The following PRDM16 variants were observed in gnomAD, a reference collection of about 807,000 sequenced individuals.
PRDM16 encodes PR/SET domain 16.
In PRDM16, 23 loss-of-function variants were observed where a neutral mutation model predicts 110.6. That is an observed-to-expected ratio of 0.21 (90% CI 0.15 to 0.29). The LOEUF is 0.29. Ranked by LOEUF, PRDM16 falls within the 10% of genes least tolerant of loss-of-function variation. The pLI, the probability that PRDM16 is intolerant of heterozygous loss-of-function variation, is 1.00. For missense variants in PRDM16, 1,615 were observed against 1,794.3 expected (o/e 0.90, Z 1.81); for synonymous variants, 799 against 781.8 (o/e 1.02, Z -0.37).
At chr1:3,336,909 CTG>C (rs913534154) in intron 3 of PRDM16, among the ~76,000 whole-genome samples, 28 of 147,160 alleles carry the variant, frequency 1.9e-4, no homozygotes, top group Admixed American at 1.1e-3. Flanking sequence ...TGGTGTGAGT[CTG>C]TGTGTGAATG....
intron 3 of PRDM16, among the ~76,000 whole-genome samples, chr1:3,314,989 C>T (rs1641565584): frequency 6.6e-6 from 1 of 152,136 alleles, no homozygotes; most frequent in African/African-American, 2.4e-5. Context: ...AAAGATGGAT[C>T]GACTGAGAGC....
Position 3,255,617 on chromosome 1 carries a change from C to T in PRDM16, c.438+11480C>T, listed in dbSNP as rs181032220. 3.2e-4 allele frequency among the ~76,000 whole-genome samples: 49 copies of T among 152,332 alleles called. No individual in the cohort carries two copies. The highest frequency in any genetic ancestry group is 7.9e-4 in the African/African-American group (33 of 41,578). On this transcript the variant is annotated intron_variant, in intron 3 of 16. Coordinates refer to ENST00000270722, the MANE Select transcript of PRDM16 (RefSeq NM_022114.4). This position sits in a 1 kb window ranked among gnomAD's most constrained non-coding sequence, Gnocchi z 4.7. ...AACAGCACACGGTGCCCCTCCTTAT[C>T]GCATTCAACTTAGCTGCTGTGGGCA...
intron 1 of PRDM16, among the ~76,000 whole-genome samples, chr1:3,171,384 C>T (rs929051939): frequency 2.6e-5 from 4 of 152,196 alleles, no homozygotes; most frequent in Non-Finnish European, 4.4e-5. Flanking sequence ...CTGAACGAGC[C>T]CTGGCTGAGT....
chr1:3,284,092 G>A (rs1640794206), intron 3 of PRDM16, among the ~76,000 whole-genome samples: 1 of 151,998 alleles, frequency 6.6e-6, no homozygotes, highest in South Asian at 2.1e-4. Context: ...TGGGCCTGGG[G>A]CAGGGGCTGC....
At chr1:3,158,032 C>G (rs1643871409) in intron 1 of PRDM16, among the ~76,000 whole-genome samples, 1 of 152,246 alleles carries the variant, frequency 6.6e-6, no homozygotes, top group Admixed American at 6.5e-5. Context: ...CTCTCCTCAT[C>G]TCAAGATAAT....
intron 14 of PRDM16, among the ~76,000 whole-genome samples, chr1:3,430,626 G>A (rs1285542223): frequency 6.6e-6 from 1 of 152,166 alleles, no homozygotes; most frequent in African/African-American, 2.4e-5. Flanking sequence ...CTTGCTGCTG[G>A]GCCTTGCCCT....
intron 16 of PRDM16, among the ~76,000 whole-genome samples, chr1:3,432,479 C>CTGGG (rs1442886184): frequency 6.6e-6 from 1 of 152,218 alleles, no homozygotes; most frequent in Non-Finnish European, 1.5e-5. Context: ...CCTCTCTGAT[C>CTGGG]TGGGCCCCAG....
chr1:3,423,573 G>C (rs1232509663), intron 12 of PRDM16, among the ~76,000 whole-genome samples: 1 of 152,220 alleles, frequency 6.6e-6, no homozygotes, highest in Admixed American at 6.5e-5. Context: ...CCCCATCCAT[G>C]TGACAAGGGC....
At chr1:3,169,877 T>C (rs1216213988) in intron 1 of PRDM16, among the ~76,000 whole-genome samples, 1 of 152,140 alleles carries the variant, frequency 6.6e-6, no homozygotes, top group Non-Finnish European at 1.5e-5. Context: ...TTTGTCAGGG[T>C]GATTAATAGC....
chr1:3,403,418 C>A (rs1347529834), intron 6 of PRDM16, among the ~76,000 whole-genome samples: 1 of 152,236 alleles, frequency 6.6e-6, no homozygotes, highest in Non-Finnish European at 1.5e-5. Flanking sequence ...ATGGGGGTGG[C>A]AGCACCCACC....
At chr1:3,404,236 G>A (rs1004179618) in intron 6 of PRDM16, among the ~76,000 whole-genome samples, 15 of 152,216 alleles carry the variant, frequency 9.9e-5, no homozygotes, top group African/African-American at 3.6e-4. Context: ...CGGCCCCTCC[G>A]AGCAGCTGTG....
chr1:3,364,753 T>C (rs1454848515), intron 3 of PRDM16, among the ~76,000 whole-genome samples: 1 of 152,242 alleles, frequency 6.6e-6, no homozygotes, highest in Non-Finnish European at 1.5e-5. Context: ...TTAATTTTCA[T>C]GGCCGGGCCA....
At chr1:3,414,883 G>C (rs2100670090) in intron 10 of PRDM16, among the ~76,000 whole-genome samples, 1 of 152,296 alleles carries the variant, frequency 6.6e-6, no homozygotes, top group South Asian at 2.1e-4. Context: ...GGACCTCTCT[G>C]ACCCCTGGCT....
rs540039848 is a variant in PRDM16 at position 3,086,666 on chromosome 1, G to A, written c.37+17370G>A. Among the ~76,000 whole-genome samples, 16 of 152,242 alleles carry A rather than the reference G, an allele frequency of 1.1e-4. No homozygotes were observed. In the South Asian group the frequency reaches 2.1e-3, roughly 20 times the overall value. Reference sequence around the variant, plus strand: ...GCCAGACCCAGGCCCGGCCACTGACGCCCTCCACCGGAGAGTTTTTGGGTG... The same window carrying A: ...GCCAGACCCAGGCCCGGCCACTGACACCCTCCACCGGAGAGTTTTTGGGTG... On this transcript the variant is annotated intron_variant, in intron 1 of 16. Transcript: ENST00000270722.
At chr1:3,332,379 G>A (rs921654350) in intron 3 of PRDM16, among the ~76,000 whole-genome samples, 1 of 152,248 alleles carries the variant, frequency 6.6e-6, no homozygotes, top group Admixed American at 6.5e-5. Flanking sequence ...CTCTAATGTC[G>A]GGGTGGTGTG....
intron 3 of PRDM16, among the ~76,000 whole-genome samples, chr1:3,314,670 C>T (rs1361510025): frequency 1.3e-5 from 2 of 151,934 alleles, no homozygotes; most frequent in African/African-American, 4.8e-5. Context: ...TAATCGCCTT[C>T]GCCCCCGTAG....
chr1:3,203,583 G>T (rs1057145875), intron 2 of PRDM16, among the ~76,000 whole-genome samples: 8 of 106,740 alleles, frequency 7.5e-5, no homozygotes, highest in African/African-American at 4.8e-4. Flanking sequence ...TTCTCTCCCC[G>T]GGGGGGCCAG....
rs760623199 is a variant in PRDM16, at chr1:3,084,973, C to T, written c.37+15677C>T. 1.2e-4 allele frequency among the ~76,000 whole-genome samples: 18 copies of T among 152,262 alleles called. No individual in the cohort carries two copies. The Middle Eastern group carries it at 0.01, about 86-fold the overall frequency. On this transcript the variant is annotated intron_variant, in intron 1 of 16. Coordinates refer to ENST00000270722, the MANE Select transcript of PRDM16 (RefSeq NM_022114.4). ...CCCTGCGGCAGGTGTTGCAGGCGGGCGGGTGCTGGGGGTTTGTTTCCAGCA... is the reference window on the plus strand; with the variant it reads ...CCCTGCGGCAGGTGTTGCAGGCGGGTGGGTGCTGGGGGTTTGTTTCCAGCA...
rs774855381 is a variant in PRDM16, at chr1:3,412,600, G to C, written c.2403G>C (p.Gln801His). Residue 801 changes from glutamine to histidine, a missense_variant, in exon 9 of 17, where the codon CAG (glutamine) becomes CAC (histidine). Physicochemically the swap from Gln to His is conservative, Grantham distance 24 (BLOSUM62 0). This residue lies in a region of PRDM16 where 772 missense variants were observed against 748.3 expected (regional missense o/e 1.03). Transcript: ENST00000270722. ...GPSAPASGEE[Q>H]PLDLSIGSRA... Reference sequence around the variant, plus strand: ...CGGCCCCCGCATCCGGCGAGGAGCAGCCGCTGGACCTGAGCATCGGCAGCC... The same window carrying C: ...CGGCCCCCGCATCCGGCGAGGAGCACCCGCTGGACCTGAGCATCGGCAGCC... 5 of 1,601,668 alleles carry C rather than the reference G, an allele frequency of 3.1e-6. No individual in the cohort carries two copies. The highest frequency in any genetic ancestry group is 2.2e-5 in the East Asian group (1 of 44,514).
Sources: allele counts gnomAD v4.1 joint callset (sites outside exome capture counted in the v4.1 genomes callset), GRCh38; gene constraint gnomAD v4.1.1; regional missense constraint gnomAD v4.1.1; non-coding constraint Gnocchi (gnomAD v3.1); transcripts MANE v1.5; gene names NCBI Gene and HGNC (gene_info 2026-07-23, HGNC 2026-07-21).